The following MYB variants were observed in gnomAD, a reference collection of about 807,000 sequenced individuals.
The protein encoded by MYB is transcriptional activator Myb.
A neutral mutation model predicts 92.9 loss-of-function variants in MYB; 28 were observed. The ratio of observed to expected loss-of-function variants is 0.30; its 90% confidence interval spans 0.22 to 0.41. The LOEUF is 0.41. MYB is among the 10% of genes least tolerant of loss of function. MYB has a pLI of 1.00. For synonymous variants in MYB, 295 were observed against 329.1 expected (o/e 0.90, Z 1.12); for missense variants, 679 against 929.3 (o/e 0.73, Z 3.50).
At chr6:135,187,481 T>G (rs937156531) in intron 2 of MYB, among the ~76,000 whole-genome samples, 13 of 152,168 alleles carry the variant, frequency 8.5e-5, no homozygotes, top group African/African-American at 2.9e-4. Context: ...TTTGCAAAAT[T>G]GCCTCATGTA....
intron 15 of MYB, among the ~76,000 whole-genome samples, chr6:135,216,835 C>T (rs902099421): frequency 5.9e-5 from 9 of 152,158 alleles, no homozygotes; most frequent in Non-Finnish European, 8.8e-5. Context: ...ACAGAGGCAT[C>T]GCAGGAGCTG....
chr6:135,184,744 G>C lies in MYB; in HGVS notation c.24-1159G>C, dbSNP rs565457735. ...TTTTAAAAACAATGATTTACATTAT[G>C]ATATGGCTTTATATCATTGTTTTTA... On this transcript the variant is annotated intron_variant, in intron 1 of 15. Transcript: ENST00000341911. Among the ~76,000 whole-genome samples the C allele has an allele frequency of 4.6e-5, 7 of 152,184 alleles. No homozygotes were observed. The South Asian group carries it at 1.2e-3, about 27-fold the overall frequency.
intron 15 of MYB, among the ~76,000 whole-genome samples, chr6:135,204,481 T>G (rs56110897): frequency 0.019 from 2,842 of 152,294 alleles, 46 homozygotes; most frequent in Non-Finnish European, 0.032. Context: ...TTTGTATTTT[T>G]GGATAGAGAC....
chr6:135,215,169 C>T (rs982418523), intron 15 of MYB, among the ~76,000 whole-genome samples: 4 of 152,154 alleles, frequency 2.6e-5, no homozygotes, highest in African/African-American at 9.7e-5. Flanking sequence ...CACTGCAAAC[C>T]CTATGTCAGG....
At position 135,200,368 on chromosome 6, in the gene MYB, G is replaced by C; in HGVS notation, c.1903G>C (p.Glu635Gln). The C allele has an allele frequency of 6.2e-7, 1 of 1,614,160 alleles. No individual in the cohort carries two copies. Among genetic ancestry groups the C allele is most frequent in the Non-Finnish European group, 8.5e-7 (1 of 1,180,042 alleles). ...QESDESGIVAEFQENGPPLLK... is the reference protein window; with the variant it reads ...QESDESGIVAQFQENGPPLLK... ...ATCTGATGAATCTGGAATTGTTGCT[G>C]AGTTTCAAGAAAATGGACCACCCTT... The change falls in exon 13 of 16, where the codon GAG (glutamate) becomes CAG (glutamine). Residue 635 changes from glutamate to glutamine, a missense_variant. By Grantham distance (29) the Glu-to-Gln change is conservative. Around this residue, in one of 8 missense-constraint regions of MYB, gnomAD observed 402 missense variants for 434.2 expected, o/e 0.93. Transcript: ENST00000341911.
chr6:135,185,770 T>A (rs1775827945), intron 1 of MYB, 133 bp from the exon 2 acceptor site: 1 of 742,432 alleles, frequency 1.3e-6, no homozygotes, highest in Non-Finnish European at 2.3e-6. Context: ...ACAATCTTGT[T>A]GTGCAAGTTT....
In MYB at chr6:135,192,538, C is replaced by G. The variant is rs754396975; in HGVS notation, c.742C>G (p.His248Asp). The change falls in exon 6 of 16, where the codon CAC becomes GAC. Residue 248 changes from histidine (H) to aspartate (D), a missense_variant. Transcript: ENST00000341911. ...PTVNNDYSYYHISEAQNVSSH... is the reference protein window; with the variant it reads ...PTVNNDYSYYDISEAQNVSSH... ...TGTTAACAACGACTATTCCTATTAC[C>G]ACATTTCTGAAGCACAAAATGTAAG... 6.2e-7 allele frequency: 1 copy of G among 1,614,208 alleles called. No homozygotes were observed. The highest frequency in any genetic ancestry group is 1.1e-5 in the South Asian group (1 of 91,084).
chr6:135,206,242 A>G (rs1778900308), intron 15 of MYB, among the ~76,000 whole-genome samples: 1 of 149,068 alleles, frequency 6.7e-6, no homozygotes, highest in African/African-American at 2.5e-5. Flanking sequence ...AATAATAATA[A>G]TAATAATTAG....
At position 135,188,044 on chromosome 6, in the gene MYB, A is replaced by G. The variant is rs190684159; in HGVS notation, c.213+139A>G. 1,199 of 405,458 alleles carry G rather than the reference A, an allele frequency of 3.0e-3. 11 individuals carry two copies. Among genetic ancestry groups the G allele is most frequent in the Non-Finnish European group, 4.4e-3 (1,017 of 230,050 alleles). The allele number at this position is 405,458 out of a possible 1,614,324, so 25.1% of individuals were successfully genotyped here. A position where few individuals can be genotyped will look rare whatever the true frequency, so the allele number is the denominator to read the frequency against. On this transcript the variant is annotated intron_variant, in intron 3 of 15. Coordinates refer to ENST00000341911, the MANE Select transcript of MYB (RefSeq NM_001130173.2). ...GGGAGAAATGCCCTACCCATAACTT[A>G]TATTTTATATTATAATGCATATAAT... is the stretch of plus-strand genomic sequence containing the variant.
At position 135,218,943 on chromosome 6, in the gene MYB, A is replaced by G. The variant is rs1293448895; in HGVS notation, c.*963A>G. On this transcript the variant is annotated 3_prime_UTR_variant, in exon 16 of 16. Transcript: ENST00000341911. ...GTTTTGAGTGTAGCCTGACTGTTTT[A>G]TAATTTGGGAGTTCTGCATTTGATC... The G allele has an allele frequency of 1.3e-5, 3 of 226,670 alleles. No individual in the cohort carries two copies. Among genetic ancestry groups the G allele is most frequent in the Non-Finnish European group, 2.6e-5 (3 of 113,730 alleles). 14.0% of individuals were successfully genotyped at this position (226,670 alleles called of 1,614,324 possible). A position where few individuals can be genotyped will look rare whatever the true frequency, so the allele number is the denominator to read the frequency against.
rs574964449 is a variant in MYB at position 135,187,718 on chromosome 6, T to C, written c.142-116T>C. The C allele has an allele frequency of 1.3e-4, 71 of 557,036 alleles. 1 individual carries two copies. The South Asian group carries it at 2.4e-3, about 19-fold the overall frequency. The allele number at this position is 557,036 out of a possible 1,614,324, so 34.5% of individuals were successfully genotyped here. On this transcript the variant is annotated intron_variant, in intron 2 of 15. Transcript: ENST00000341911. ...CCGTATATTACATTAATATCTCCTG[T>C]ATTCGGATACTTTAGAGAGACTTTT... is the stretch of plus-strand genomic sequence containing the variant.
At chr6:135,214,117 A>AT (rs529799064) in intron 15 of MYB, among the ~76,000 whole-genome samples, 1 of 151,736 alleles carries the variant, frequency 6.6e-6, no homozygotes, top group African/African-American at 2.4e-5. Flanking sequence ...TCTACAAAAA[A>AT]TTTTTTTTAA....
intron 15 of MYB, among the ~76,000 whole-genome samples, chr6:135,208,362 C>T (rs902340079): frequency 6.6e-6 from 1 of 150,790 alleles, no homozygotes; most frequent in Non-Finnish European, 1.5e-5. Flanking sequence ...CAGACATGAG[C>T]CACTGCACCC....
chr6:135,206,163 G>GCCACTACA lies in MYB; in HGVS notation c.2169+2841_2169+2848dup, dbSNP rs780269443. On this transcript the variant is annotated intron_variant, in intron 15 of 15. Transcript: ENST00000341911. ...GGAGCTTGCAGTGAGCTGAGATAGC[G>GCCACTACA]CCACTACACTCCGGCCTGGGTGACT... Among the ~76,000 whole-genome samples the GCCACTACA allele has an allele frequency of 3.6e-4, 47 of 130,518 alleles. 1 individual carries two copies. Among genetic ancestry groups the GCCACTACA allele is most frequent in the Middle Eastern group, 6.5e-3 (1 of 154 alleles). The allele number at this position is 130,518 out of a possible 152,430, so 85.6% of individuals were successfully genotyped here. A position where few individuals can be genotyped will look rare whatever the true frequency, so the allele number is the denominator to read the frequency against.
At chr6:135,188,492 CTT>C (rs528623055) in intron 3 of MYB, among the ~76,000 whole-genome samples, 5 of 133,828 alleles carry the variant, frequency 3.7e-5, no homozygotes, top group East Asian at 2.1e-4. Flanking sequence ...ATTTTTCTTT[CTT>C]TTTTTTTTTT....
chr6:135,181,780 A>T lies in MYB; in HGVS notation c.23+244A>T, dbSNP rs1178814686. Among the ~76,000 whole-genome samples the T allele has an allele frequency of 2.6e-5, 4 of 152,228 alleles. No homozygotes were observed. In the South Asian group the frequency reaches 8.3e-4, roughly 31 times the overall value. On this transcript the variant is annotated intron_variant, in intron 1 of 15. Transcript: ENST00000341911. This position sits in a 1 kb window ranked among gnomAD's most constrained non-coding sequence, Gnocchi z 5.3. The stretch of plus-strand genomic sequence containing the variant: ...CCCTGCGGCTCATTTTGCAAGTTGC[A>T]TGGGGATACATTTTTCTTTAGGGGG...
chr6:135,212,034 A>G lies in MYB; in HGVS notation c.2170-5830A>G, dbSNP rs577167214. On this transcript the variant is annotated intron_variant, in intron 15 of 15. Transcript: ENST00000341911. ...TATAACTGATCCATTTTTTCAAAAG[A>G]TGTCCCTTTGGGAAGGAATTCTCAT... Among the ~76,000 whole-genome samples, 20 of 152,264 alleles carry G rather than the reference A, an allele frequency of 1.3e-4. No homozygotes were observed. The South Asian group carries it at 3.7e-3, about 28-fold the overall frequency.
intron 15 of MYB, chr6:135,203,539 T>C: frequency 4.4e-6 from 3 of 681,850 alleles, no homozygotes; most frequent in Non-Finnish European, 4.8e-6. Flanking sequence ...GCTAGAAATT[T>C]TTATCAGTGC....
rs534128278 is a variant in MYB, at chr6:135,190,816, A to T, written c.527+469A>T. On this transcript the variant is annotated intron_variant, in intron 5 of 15. Transcript: ENST00000341911. This position sits in a 1 kb window ranked among gnomAD's most constrained non-coding sequence, Gnocchi z 4.5. The stretch of plus-strand genomic sequence containing the variant: ...TTTTTAATTATTATTTTTTAGAGAC[A>T]GAGGCTTGTTCTGTCACACATGAGT... Among the ~76,000 whole-genome samples the T allele has an allele frequency of 2.6e-5, 4 of 152,264 alleles. No homozygotes were observed. Among genetic ancestry groups the T allele is most frequent in the South Asian group, 4.1e-4 (2 of 4,824 alleles).
Sources: gnomAD v4.1 joint callset for allele counts (sites outside exome capture counted in the v4.1 genomes callset) on GRCh38, gnomAD v4.1.1 for gene constraint, gnomAD v4.1.1 regional missense constraint, Gnocchi (gnomAD v3.1) non-coding constraint, MANE v1.5 for transcripts, NCBI Gene and HGNC (gene_info 2026-07-23, HGNC 2026-07-21) for gene names.